GRB10: variants seen among roughly 807,000 people sequenced by gnomAD.
GRB10 encodes the protein growth factor receptor-bound protein 10.
Under a neutral mutation model 80.9 loss-of-function variants are expected in GRB10, and 20 were observed. That is an observed-to-expected ratio of 0.25 (90% CI 0.17 to 0.36). GRB10 has a LOEUF of 0.36. GRB10 is among the 10% of genes least tolerant of loss of function. GRB10 has a pLI of 1.00. For synonymous variants in GRB10, 291 were observed against 291.5 expected (o/e 1.00, Z 0.02); for missense variants, 548 against 747.7 (o/e 0.73, Z 3.12).
At chr7:50,644,126 T>C (rs867438717) in intron 7 of GRB10, among the ~76,000 whole-genome samples, 1 of 152,180 alleles carries the variant, frequency 6.6e-6, no homozygotes, top group Admixed American at 6.5e-5. Flanking sequence ...CATTCAGCAG[T>C]TGTCTTCACT....
chr7:50,630,288 G>A (rs1286527751), intron 7 of GRB10, among the ~76,000 whole-genome samples: 1 of 152,226 alleles, frequency 6.6e-6, no homozygotes, highest in Non-Finnish European at 1.5e-5. Flanking sequence ...CCATAACCAT[G>A]CTTCATCAGT....
intron 2 of GRB10, among the ~76,000 whole-genome samples, chr7:50,763,951 C>T (rs1473930752): frequency 6.6e-6 from 1 of 152,254 alleles, no homozygotes; most frequent in African/African-American, 2.4e-5. Context: ...TCAGCGACAG[C>T]TGCCAGGCCT....
At chr7:50,680,465 T>C (rs925174154) in intron 5 of GRB10, among the ~76,000 whole-genome samples, 1 of 152,172 alleles carries the variant, frequency 6.6e-6, no homozygotes, top group Admixed American at 6.5e-5. Context: ...AATATACGTT[T>C]TTTGGTTTTT....
intron 2 of GRB10, among the ~76,000 whole-genome samples, chr7:50,770,177 C>T (rs549422155): frequency 2.0e-5 from 3 of 152,336 alleles, no homozygotes; most frequent in African/African-American, 7.2e-5. Flanking sequence ...CATCTAGTTC[C>T]ATCAAGGTGG....
intron 7 of GRB10, among the ~76,000 whole-genome samples, chr7:50,647,004 T>C (rs1011708285): frequency 6.6e-6 from 1 of 152,124 alleles, no homozygotes; most frequent in African/African-American, 2.4e-5. Context: ...CATAAAAGTA[T>C]CACTAACTAA....
chr7:50,689,405 G>C (rs972636030), intron 5 of GRB10, among the ~76,000 whole-genome samples: 1 of 152,168 alleles, frequency 6.6e-6, no homozygotes, highest in Non-Finnish European at 1.5e-5. Context: ...CTCACTCTTT[G>C]AACAACTCAG....
chr7:50,685,636 AGG>A (rs1035580176), intron 5 of GRB10, among the ~76,000 whole-genome samples: 2 of 152,178 alleles, frequency 1.3e-5, no homozygotes, highest in African/African-American at 4.8e-5. Context: ...AGTATCCCAG[AGG>A]CCAGAAATTC....
intron 4 of GRB10, among the ~76,000 whole-genome samples, chr7:50,719,522 C>T (rs1403281475): frequency 1.1e-4 from 3 of 26,704 alleles, no homozygotes; most frequent in African/African-American, 3.0e-4. Context: ...TGGGGCCTGT[C>T]GGGGGTAGGG....
intron 4 of GRB10, among the ~76,000 whole-genome samples, chr7:50,729,812 C>G (rs915593216): frequency 1.3e-5 from 2 of 150,494 alleles, no homozygotes; most frequent in Admixed American, 1.3e-4. Context: ...TCACAGCTAT[C>G]TCACTTGCCA....
At chr7:50,619,348 C>A (rs1327940036) in intron 8 of GRB10, 63 bp from the exon 9 acceptor site, 2 of 925,714 alleles carry the variant, frequency 2.2e-6, no homozygotes, top group South Asian at 1.3e-5. Flanking sequence ...AGCTTTACAA[C>A]CAAATGGAAG....
intron 1 of GRB10, chr7:50,793,221 T>G: frequency 7.0e-6 from 1 of 143,206 alleles, no homozygotes; most frequent in African/African-American, 2.5e-5. Context: ...CCCAACTCCG[T>G]ACCTGCCGCG....
chr7:50,788,390 C>T (rs965898604), intron 1 of GRB10, among the ~76,000 whole-genome samples: 8 of 152,094 alleles, frequency 5.3e-5, no homozygotes, highest in Admixed American at 3.9e-4. Flanking sequence ...AGGTAGAAAG[C>T]GGGTCTTCAG....
intron 3 of GRB10, among the ~76,000 whole-genome samples, chr7:50,742,267 GCGCGCACACACACA>G (rs1157081898): frequency 2.9e-3 from 89 of 30,992 alleles, no homozygotes; most frequent in East Asian, 8.0e-3. Flanking sequence ...GCGCACGCGC[GCGCGCACACACACA>G]CACACACACA....
intron 4 of GRB10, among the ~76,000 whole-genome samples, chr7:50,725,418 T>C (rs1403536789): frequency 6.6e-6 from 1 of 152,188 alleles, no homozygotes; most frequent in Non-Finnish European, 1.5e-5. Context: ...TCTTTATAAA[T>C]TACCCAGTCC....
intron 17 of GRB10, among the ~76,000 whole-genome samples, chr7:50,598,237 C>T (rs193257999): frequency 8.5e-5 from 13 of 152,288 alleles, no homozygotes; most frequent in Admixed American, 6.5e-4. Flanking sequence ...CATGATCACA[C>T]GCAATACAAG....
chr7:50,781,525 TAAAAAG>T (rs2078279506), intron 1 of GRB10: 1 of 152,178 alleles, frequency 6.6e-6, no homozygotes, highest in Admixed American at 6.5e-5. Flanking sequence ...CTTTCAGACT[TAAAAAG>T]AACAATGAGG....
At chr7:50,666,352 G>C (rs182141352) in intron 7 of GRB10, among the ~76,000 whole-genome samples, 1 of 152,170 alleles carries the variant, frequency 6.6e-6, no homozygotes, top group Non-Finnish European at 1.5e-5. Context: ...AGAGGGAGGC[G>C]GCATTGGAGG....
chr7:50,703,819 A>T lies in GRB10; in HGVS notation c.139+2T>A. On this transcript the variant is annotated splice_donor_variant, in intron 5 of 18. Transcript: ENST00000401949. LOFTEE classifies it high-confidence loss of function. ...TGTTCTTGTGTTTTGCTCATTCCTT[A>T]CCCTGGTGATTCGCAAGTCGGTCAG... 5 of 1,610,990 alleles carry T rather than the reference A, an allele frequency of 3.1e-6. No homozygotes were observed. The highest frequency in any genetic ancestry group is 3.4e-6 in the Non-Finnish European group (4 of 1,177,502).
At chr7:50,759,410 G>A (rs917743934) in intron 2 of GRB10, among the ~76,000 whole-genome samples, 17 of 151,988 alleles carry the variant, frequency 1.1e-4, no homozygotes, top group African/African-American at 2.9e-4. Context: ...CACCTATGGC[G>A]GATCGGTTCC....
Sources: allele counts gnomAD v4.1 joint callset (sites outside exome capture counted in the v4.1 genomes callset), GRCh38; gene constraint gnomAD v4.1.1; transcripts MANE v1.5; gene names NCBI Gene and HGNC (gene_info 2026-07-23, HGNC 2026-07-21).